SOX6: variants seen among roughly 807,000 people sequenced by gnomAD.
SOX6 encodes the protein SRY-box transcription factor 6.
Under a neutral mutation model 97.8 loss-of-function variants are expected in SOX6, and 11 were observed. The ratio of observed to expected loss-of-function variants is 0.11; its 90% CI spans 0.07 to 0.19. The LOEUF is 0.19. Ranked by LOEUF, SOX6 falls within the 10% of genes least tolerant of loss-of-function variation. The pLI, the probability that SOX6 is intolerant of heterozygous loss-of-function variation, is 1.00. For missense variants in SOX6, 810 were observed against 1,039.5 expected (o/e 0.78, Z 3.04); for synonymous variants, 360 against 371.4 (o/e 0.97, Z 0.35).
chr11:16,583,530 T>C (rs1848049920), intron 4 of SOX6, among the ~76,000 whole-genome samples: 1 of 149,450 alleles, frequency 6.7e-6, no homozygotes, highest in African/African-American at 2.4e-5. Context: ...AGTGACAACA[T>C]GTAGAACAGG....
intron 6 of SOX6, among the ~76,000 whole-genome samples, chr11:16,147,464 C>T (rs1003559387): frequency 6.6e-6 from 1 of 151,884 alleles, no homozygotes; most frequent in South Asian, 2.1e-4. Context: ...AACAAACCTG[C>T]ACGTTGTGCA....
At chr11:16,155,694 C>T (rs1850579431) in intron 6 of SOX6, among the ~76,000 whole-genome samples, 1 of 152,074 alleles carries the variant, frequency 6.6e-6, no homozygotes, top group African/African-American at 2.4e-5. Context: ...TCTTCCTCTT[C>T]CACAACATGC....
At chr11:16,043,971 G>C (rs1442258199) in intron 12 of SOX6, among the ~76,000 whole-genome samples, 2 of 152,146 alleles carry the variant, frequency 1.3e-5, no homozygotes, top group Non-Finnish European at 2.9e-5. Context: ...CAGCCTGGAA[G>C]CTTCCTATGA....
intron 1 of SOX6, among the ~76,000 whole-genome samples, chr11:16,361,681 A>G (rs1043955673): frequency 1.3e-5 from 2 of 152,174 alleles, no homozygotes; most frequent in Non-Finnish European, 2.9e-5. Context: ...GTGAAATACA[A>G]CCACCTCTGC....
chr11:16,694,781 C>T (rs921342797), intron 3 of SOX6, among the ~76,000 whole-genome samples: 1 of 152,066 alleles, frequency 6.6e-6, no homozygotes, highest in Non-Finnish European at 1.5e-5. Context: ...CCTCTATATC[C>T]ACAGGTTCTG....
At chr11:16,585,897 G>T (rs1026619460) in intron 4 of SOX6, among the ~76,000 whole-genome samples, 1 of 151,942 alleles carries the variant, frequency 6.6e-6, no homozygotes, top group Non-Finnish European at 1.5e-5. Flanking sequence ...TTCCCAGGCT[G>T]GTCTTGAACT....
At chr11:16,251,329 T>G (rs1590064577) in intron 3 of SOX6, among the ~76,000 whole-genome samples, 1 of 151,996 alleles carries the variant, frequency 6.6e-6, no homozygotes. Flanking sequence ...AACTAAAAGA[T>G]AGTTCTTTGA....
intron 3 of SOX6, among the ~76,000 whole-genome samples, chr11:16,242,428 T>C (rs2134187026): frequency 6.6e-6 from 1 of 152,046 alleles, no homozygotes; most frequent in Middle Eastern, 3.4e-3. Context: ...TAAGGATGCA[T>C]TTCTCTGAAT....
chr11:16,144,726 A>T (rs916546648), intron 6 of SOX6, among the ~76,000 whole-genome samples: 2 of 152,262 alleles, frequency 1.3e-5, no homozygotes, highest in Admixed American at 1.3e-4. Flanking sequence ...CAACAACTCT[A>T]TGCAAATAAA....
chr11:16,061,318 A>C (rs1002418699), intron 9 of SOX6, among the ~76,000 whole-genome samples: 4 of 148,812 alleles, frequency 2.7e-5, no homozygotes, highest in Non-Finnish European at 6.0e-5. Flanking sequence ...AAAAAAAAAC[A>C]GGAATATATT....
chr11:16,186,757 T>C, intron 5 of SOX6, 26 bp downstream of exon 5: 5 of 1,612,062 alleles, frequency 3.1e-6, no homozygotes, highest in Non-Finnish European at 4.2e-6. Flanking sequence ...CATCTCCAGT[T>C]CGTCAGTGCC....
At chr11:16,398,427 A>G (rs1368933886) in intron 1 of SOX6, among the ~76,000 whole-genome samples, 1 of 151,450 alleles carries the variant, frequency 6.6e-6, no homozygotes, top group African/African-American at 2.4e-5. Context: ...AGCAAGTCCT[A>G]TTCATCGTAC....
At chr11:16,497,318 T>C (rs866492776) in intron 4 of SOX6, among the ~76,000 whole-genome samples, 1 of 152,096 alleles carries the variant, frequency 6.6e-6, no homozygotes, top group Non-Finnish European at 1.5e-5. Context: ...CCCATCTGTA[T>C]GTCACCATCG....
At chr11:16,088,974 A>G (rs1225070550) in intron 9 of SOX6, among the ~76,000 whole-genome samples, 2 of 152,184 alleles carry the variant, frequency 1.3e-5, no homozygotes, top group African/African-American at 4.8e-5. Flanking sequence ...GGAATTGCTG[A>G]CAAGGCATCA....
intron 9 of SOX6, among the ~76,000 whole-genome samples, chr11:16,070,214 G>T (rs1401478533): frequency 6.6e-6 from 1 of 151,844 alleles, no homozygotes; most frequent in Non-Finnish European, 1.5e-5. Flanking sequence ...CTAGCTAAAG[G>T]TCCTCTTGAC....
intron 3 of SOX6, among the ~76,000 whole-genome samples, chr11:16,640,215 T>C (rs2134003558): frequency 6.6e-6 from 1 of 152,350 alleles, no homozygotes; most frequent in African/African-American, 2.4e-5. Context: ...ATTACATTTA[T>C]TGATTTGCGT....
chr11:16,077,314 A>C (rs562076648), intron 9 of SOX6, among the ~76,000 whole-genome samples: 2 of 152,308 alleles, frequency 1.3e-5, no homozygotes, highest in African/African-American at 4.8e-5. Context: ...ACTATTATTA[A>C]AAAGCCAAAA....
At chr11:16,370,807 C>T (rs1857477955) in intron 1 of SOX6, among the ~76,000 whole-genome samples, 1 of 152,038 alleles carries the variant, frequency 6.6e-6, no homozygotes, top group Admixed American at 6.6e-5. Context: ...TGTCAGAAAG[C>T]CCCGTGAGTT....
intron 7 of SOX6, among the ~76,000 whole-genome samples, chr11:16,107,395 GTATATATATGTATATATATATACATATA>G (rs915013038): frequency 7.1e-6 from 1 of 140,846 alleles, no homozygotes; most frequent in East Asian, 2.0e-4. Flanking sequence ...ACATATATAT[GTATATATATGTATATATATATACATATA>G]TATACATATA....
Sources: gnomAD v4.1 joint callset for allele counts (sites outside exome capture counted in the v4.1 genomes callset) on GRCh38, gnomAD v4.1.1 for gene constraint, MANE v1.5 for transcripts, NCBI Gene and HGNC (gene_info 2026-07-23, HGNC 2026-07-21) for gene names.